The following NAALADL2 variants were observed in gnomAD, a reference collection of about 807,000 sequenced individuals.
The protein encoded by NAALADL2 is N-acetylated alpha-linked acidic dipeptidase like 2.
Under a neutral mutation model 87.2 loss-of-function variants are expected in NAALADL2, and 76 were observed. The ratio of observed to expected loss-of-function variants is 0.87; its 90% CI spans 0.72 to 1.05. The LOEUF (loss-of-function observed/expected upper bound fraction) is 1.05, where lower values mean the gene tolerates loss of function less well. Ranked by LOEUF, NAALADL2 falls within the 50% of genes least tolerant of loss-of-function variation. NAALADL2 has a pLI of 0.00. For missense variants in NAALADL2, 1,089 were observed against 945.8 expected (o/e 1.15, Z -1.99); for synonymous variants, 354 against 331.0 (o/e 1.07, Z -0.75).
At chr3:175,419,483 A>T (rs919377242) in intron 5 of NAALADL2, among the ~76,000 whole-genome samples, 3 of 151,998 alleles carry the variant, frequency 2.0e-5, no homozygotes, top group Non-Finnish European at 4.4e-5. Context: ...GAAATCCTGC[A>T]TTGGAAGATT....
chr3:175,010,719 G>A (rs903917397), intron 1 of NAALADL2, among the ~76,000 whole-genome samples: 1 of 152,032 alleles, frequency 6.6e-6, no homozygotes, highest in South Asian at 2.1e-4. Context: ...AAATGATTTG[G>A]TGCTTCCATT....
At chr3:175,800,346 C>CTTAATACAAACTATAAACCTGAATT (rs150154027) in intron 13 of NAALADL2, among the ~76,000 whole-genome samples, 21,862 of 151,626 alleles carry the variant, frequency 0.14, 2,221 homozygotes, top group African/African-American at 0.27. Flanking sequence ...ATATATTTTT[C>CTTAATACAAACTATAAACCTGAATT]TTAATACAAA....
intron 1 of NAALADL2, among the ~76,000 whole-genome samples, chr3:175,078,277 G>C (rs1717026382): frequency 6.6e-6 from 1 of 151,946 alleles, no homozygotes; most frequent in Non-Finnish European, 1.5e-5. Context: ...TGCCCGCATT[G>C]GCCTCCCAAA....
intron 5 of NAALADL2, among the ~76,000 whole-genome samples, chr3:175,391,739 T>C (rs1369774273): frequency 2.0e-5 from 3 of 152,146 alleles, no homozygotes; most frequent in African/African-American, 7.2e-5. Context: ...ACTTGTTATA[T>C]GGCAATAGAT....
In NAALADL2 at chr3:174,911,192, A is replaced by G. The variant is rs555437294; in HGVS notation, c.43+51742A>G. Among the ~76,000 whole-genome samples, 8 of 152,186 alleles carry G rather than the reference A, an allele frequency of 5.3e-5. No individual in the cohort carries two copies. In the South Asian group the frequency reaches 1.7e-3, roughly 32 times the overall value. On this transcript the variant is annotated intron_variant, in intron 1 of 13. Transcript: ENST00000454872. ...AGTATGCTTTTACTCTTTCTCCCTGATACTGGCAATAGAACACATAGGTCC... is the reference window on the plus strand; with the variant it reads ...AGTATGCTTTTACTCTTTCTCCCTGGTACTGGCAATAGAACACATAGGTCC...
chr3:175,416,755 A>G (rs1714707425), intron 5 of NAALADL2, among the ~76,000 whole-genome samples: 1 of 152,228 alleles, frequency 6.6e-6, no homozygotes, highest in African/African-American at 2.4e-5. Flanking sequence ...TGCATTACAT[A>G]ATTTTCTAAT....
intron 1 of NAALADL2, among the ~76,000 whole-genome samples, chr3:174,904,728 A>G (rs2108272911): frequency 6.6e-6 from 1 of 151,900 alleles, no homozygotes; most frequent in East Asian, 1.9e-4. Flanking sequence ...AGCTGGAGCT[A>G]CCATTAATTT....
chr3:175,423,295 T>C (rs1224193840), intron 5 of NAALADL2, among the ~76,000 whole-genome samples: 1 of 151,122 alleles, frequency 6.6e-6, no homozygotes, highest in Non-Finnish European at 1.5e-5. Context: ...CTCTAAGTTT[T>C]AGGGTACAAG....
chr3:175,315,694 T>C (rs1478973288), intron 4 of NAALADL2, among the ~76,000 whole-genome samples: 1 of 152,212 alleles, frequency 6.6e-6, no homozygotes, highest in African/African-American at 2.4e-5. Context: ...TTTTCTAGTA[T>C]AAAATTAGAG....
intron 1 of NAALADL2, among the ~76,000 whole-genome samples, chr3:174,890,127 C>T (rs548551359): frequency 1.3e-5 from 2 of 152,212 alleles, no homozygotes; most frequent in South Asian, 4.1e-4. Flanking sequence ...ATCACGATGA[C>T]GTTTCTAGTA....
intron 1 of NAALADL2, among the ~76,000 whole-genome samples, chr3:174,497,928 G>A (rs1344709320): frequency 4.6e-5 from 7 of 152,096 alleles, no homozygotes; most frequent in Non-Finnish European, 7.4e-5. Flanking sequence ...AATATTTTCA[G>A]TACAAACATG....
intron 2 of NAALADL2, among the ~76,000 whole-genome samples, chr3:174,716,051 C>G (rs567957142): frequency 6.6e-6 from 1 of 152,166 alleles, no homozygotes; most frequent in East Asian, 1.9e-4. Context: ...AGTTTTAGTC[C>G]TAGCATTTGA....
At chr3:174,878,295 T>A (rs1343582646) in intron 1 of NAALADL2, among the ~76,000 whole-genome samples, 1 of 152,104 alleles carries the variant, frequency 6.6e-6, no homozygotes, top group Non-Finnish European at 1.5e-5. Context: ...GATTTCTATA[T>A]ATTAGTTAAT....
intron 2 of NAALADL2, among the ~76,000 whole-genome samples, chr3:175,111,200 C>G (rs1334110522): frequency 6.6e-6 from 1 of 151,610 alleles, no homozygotes; most frequent in Non-Finnish European, 1.5e-5. Flanking sequence ...GAATATTTAT[C>G]CAACCTAAGT....
intron 5 of NAALADL2, among the ~76,000 whole-genome samples, chr3:175,385,357 A>G (rs1212392156): frequency 6.6e-6 from 1 of 152,048 alleles, no homozygotes; most frequent in Non-Finnish European, 1.5e-5. Context: ...TGAAATTGTT[A>G]TTTTTGTCTT....
At chr3:175,379,286 A>G (rs1767513625) in intron 5 of NAALADL2, among the ~76,000 whole-genome samples, 1 of 152,022 alleles carries the variant, frequency 6.6e-6, no homozygotes, top group Non-Finnish European at 1.5e-5. Flanking sequence ...AAATATATGC[A>G]AAGCACATAG....
At chr3:175,313,426 G>A (rs1210107558) in intron 4 of NAALADL2, among the ~76,000 whole-genome samples, 2 of 152,172 alleles carry the variant, frequency 1.3e-5, no homozygotes, top group African/African-American at 4.8e-5. Flanking sequence ...CATTCCTTGT[G>A]CTGGACCAAT....
At chr3:175,061,560 A>T (rs966377490) in intron 1 of NAALADL2, among the ~76,000 whole-genome samples, 2 of 151,982 alleles carry the variant, frequency 1.3e-5, no homozygotes, top group African/African-American at 4.8e-5. Context: ...TGTTCCATGG[A>T]TGGGGAGGGA....
intron 3 of NAALADL2, among the ~76,000 whole-genome samples, chr3:174,821,878 C>T (rs1429444181): frequency 6.6e-6 from 1 of 151,978 alleles, no homozygotes; most frequent in African/African-American, 2.4e-5. Context: ...ATGTTTAACA[C>T]ATTAAACAGA....
Sources: gnomAD v4.1 joint callset for allele counts (sites outside exome capture counted in the v4.1 genomes callset) on GRCh38, gnomAD v4.1.1 for gene constraint, MANE v1.5 for transcripts, NCBI Gene and HGNC (gene_info 2026-07-23, HGNC 2026-07-21) for gene names.